PRKG1: variants seen among roughly 807,000 people sequenced by gnomAD.
PRKG1 encodes the protein cGMP-dependent protein kinase 1.
Under a neutral mutation model 88.1 loss-of-function variants are expected in PRKG1, and 35 were observed. That is an observed-to-expected ratio of 0.40 (90% CI 0.30 to 0.53). The LOEUF (loss-of-function observed/expected upper bound fraction) is 0.53. PRKG1 is among the 20% of genes least tolerant of loss of function. The probability of loss-of-function intolerance (pLI) is 0.59; values close to 1 mark genes in which losing one functional copy is unlikely to be tolerated. For missense variants in PRKG1, 540 were observed against 839.8 expected, an observed-to-expected ratio of 0.64 and a Z score of 4.41; for synonymous variants, 303 against 292.5, an observed-to-expected ratio of 1.04 and a Z score of -0.37.
Position 52,183,224 on chromosome 10 carries a change from T to C in PRKG1, c.1076+21261T>C, listed in dbSNP as rs187928742. Among the ~76,000 whole-genome samples the C allele has an allele frequency of 2.6e-5, 4 of 152,362 alleles. No individual in the cohort carries two copies. The East Asian group carries it at 7.7e-4, about 29-fold the overall frequency. ...TGTACAAAACATCCAGACCATATCC[T>C]GTACCTGCCTGGGGCAGCCCACGGG... On this transcript the variant is annotated intron_variant, in intron 9 of 17. Transcript: ENST00000373980.
At chr10:51,435,771 G>A (rs925106497) in intron 2 of PRKG1, among the ~76,000 whole-genome samples, 2 of 151,974 alleles carry the variant, frequency 1.3e-5, no homozygotes, top group African/African-American at 4.8e-5. Context: ...ACATCAACAG[G>A]TAATTTCATT....
intron 2 of PRKG1, among the ~76,000 whole-genome samples, chr10:51,263,124 T>C (rs940161076): frequency 1.3e-5 from 2 of 152,228 alleles, no homozygotes; most frequent in African/African-American, 4.8e-5. Context: ...CTTTATAGGA[T>C]TGGGGCTTCC....
At chr10:52,156,511 T>TGATGGATG (rs559758876) in intron 8 of PRKG1, among the ~76,000 whole-genome samples, 9 of 151,684 alleles carry the variant, frequency 5.9e-5, no homozygotes, top group African/African-American at 2.2e-4. Context: ...ATGGATGGAC[T>TGATGGATG]GATGGATGGA....
At chr10:51,601,721 A>ATTTTTTTTTTTTTTTTT (rs749205610) in intron 3 of PRKG1, among the ~76,000 whole-genome samples, 5 of 43,574 alleles carry the variant, frequency 1.1e-4, no homozygotes, top group Non-Finnish European at 1.4e-4. Flanking sequence ...GGCAGATTGA[A>ATTTTTTTTTTTTTTTTT]TTTTTTTTTT....
intron 3 of PRKG1, among the ~76,000 whole-genome samples, chr10:51,665,491 T>A (rs960398584): frequency 2.6e-5 from 4 of 152,148 alleles, no homozygotes; most frequent in Non-Finnish European, 5.9e-5. Flanking sequence ...TATCCACCCA[T>A]AGTCAACATT....
chr10:51,361,485 A>C (rs1842479448), intron 2 of PRKG1, among the ~76,000 whole-genome samples: 1 of 151,948 alleles, frequency 6.6e-6, no homozygotes, highest in Admixed American at 6.6e-5. Context: ...GTCATGGTCT[A>C]CGTAATTCAT....
intron 9 of PRKG1, among the ~76,000 whole-genome samples, chr10:52,204,483 C>A (rs1839763018): frequency 6.6e-6 from 1 of 152,144 alleles, no homozygotes; most frequent in South Asian, 2.1e-4. Flanking sequence ...GAAGCCATGG[C>A]AGAAGACCAT....
At chr10:51,180,662 G>A (rs1266907069) in intron 2 of PRKG1, among the ~76,000 whole-genome samples, 1 of 152,180 alleles carries the variant, frequency 6.6e-6, no homozygotes, top group East Asian at 1.9e-4. Context: ...CCCCTATTAA[G>A]ATGAGCTTGC....
At chr10:52,102,852 A>G in intron 7 of PRKG1, among the ~76,000 whole-genome samples, 1 of 152,136 alleles carries the variant, frequency 6.6e-6, no homozygotes, top group Non-Finnish European at 1.5e-5. Flanking sequence ...CCATTCTATG[A>G]TATGGGCATG....
At chr10:51,298,048 T>C (rs1221435473) in intron 2 of PRKG1, among the ~76,000 whole-genome samples, 1 of 152,136 alleles carries the variant, frequency 6.6e-6, no homozygotes, top group Non-Finnish European at 1.5e-5. Context: ...CCTTCATCAG[T>C]TCTTGTTAAG....
intron 8 of PRKG1, among the ~76,000 whole-genome samples, chr10:52,150,353 C>A (rs1022121640): frequency 6.6e-6 from 1 of 151,844 alleles, no homozygotes; most frequent in Non-Finnish European, 1.5e-5. Flanking sequence ...TGCCTTGGTT[C>A]AAATCCCAGT....
At chr10:51,590,122 T>C (rs145224536) in intron 3 of PRKG1, among the ~76,000 whole-genome samples, 10 of 152,298 alleles carry the variant, frequency 6.6e-5, no homozygotes, top group Non-Finnish European at 1.0e-4. Context: ...TCAATGATGG[T>C]CAGACCAACA....
chr10:51,244,837 C>A (rs1437899644), intron 2 of PRKG1: 1 of 149,656 alleles, frequency 6.7e-6, no homozygotes, highest in African/African-American at 2.5e-5. Context: ...CTTGAGGTTA[C>A]CTTATCATTT....
chr10:51,630,744 G>T (rs769008609), intron 3 of PRKG1, among the ~76,000 whole-genome samples: 10 of 152,200 alleles, frequency 6.6e-5, no homozygotes, highest in Non-Finnish European at 1.2e-4. Context: ...CTAGCCGAAA[G>T]AGGAACGTGT....
intron 13 of PRKG1, 107 bp from the exon 14 acceptor site, chr10:52,282,046 A>G: frequency 8.7e-7 from 1 of 1,150,654 alleles, no homozygotes; most frequent in Non-Finnish European, 1.2e-6. Flanking sequence ...CTATAAAAAC[A>G]TACATGTTTT....
chr10:51,193,805 C>G (rs1837691942), intron 2 of PRKG1, among the ~76,000 whole-genome samples: 1 of 152,046 alleles, frequency 6.6e-6, no homozygotes, highest in South Asian at 2.1e-4. Context: ...ATCCATCCAC[C>G]CACAACTTTT....
intron 9 of PRKG1, among the ~76,000 whole-genome samples, chr10:52,166,787 C>CTATATATATATA (rs201538311): frequency 8.0e-5 from 1 of 12,462 alleles, no homozygotes; most frequent in African/African-American, 1.0e-4. Flanking sequence ...ATAAAAAAGC[C>CTATATATATATA]TATATATATA....
intron 9 of PRKG1, among the ~76,000 whole-genome samples, chr10:52,196,893 A>G (rs1839520282): frequency 6.6e-6 from 1 of 152,320 alleles, no homozygotes; most frequent in East Asian, 1.9e-4. Flanking sequence ...TAATTATGAT[A>G]TAGACATTAA....
At chr10:51,261,312 C>G (rs1465227481) in intron 2 of PRKG1, among the ~76,000 whole-genome samples, 1 of 152,128 alleles carries the variant, frequency 6.6e-6, no homozygotes, top group Admixed American at 6.6e-5. Flanking sequence ...TTCCTAGAGC[C>G]TAAAATCAAA....
Sources: gnomAD v4.1 joint callset for allele counts (sites outside exome capture counted in the v4.1 genomes callset) on GRCh38, gnomAD v4.1.1 for gene constraint, MANE v1.5 for transcripts, NCBI Gene and HGNC (gene_info 2026-07-23, HGNC 2026-07-21) for gene names.